AFAP1L1: variants seen among roughly 807,000 people sequenced by gnomAD.
AFAP1L1 encodes the protein actin filament-associated protein 1-like 1.
In AFAP1L1, 77 loss-of-function variants were observed where a neutral mutation model predicts 99.8. The ratio of observed to expected loss-of-function variants is 0.77; its 90% CI spans 0.64 to 0.93. The LOEUF (loss-of-function observed/expected upper bound fraction) is 0.93. Among genes scored for constraint, AFAP1L1 ranks in the 40% least tolerant of loss-of-function variants. The pLI is 0.00. For synonymous variants in AFAP1L1, 373 were observed against 395.3 expected (o/e 0.94, Z 0.67); for missense variants, 893 against 996.8 (o/e 0.90, Z 1.40).
chr5:149,273,853 T>C (rs1755221891), intron 1 of AFAP1L1, among the ~76,000 whole-genome samples: 2 of 150,202 alleles, frequency 1.3e-5, no homozygotes, highest in South Asian at 4.2e-4. Flanking sequence ...ACCTGTCTGA[T>C]CTCCAGTACA....
intron 1 of AFAP1L1, among the ~76,000 whole-genome samples, chr5:149,278,952 T>C (rs891511863): frequency 3.9e-5 from 6 of 152,212 alleles, no homozygotes; most frequent in Non-Finnish European, 5.9e-5. Flanking sequence ...AGCCACGATT[T>C]GGCCTCCAGT....
At chr5:149,314,519 T>C (rs1756740132) in intron 9 of AFAP1L1, among the ~76,000 whole-genome samples, 1 of 152,210 alleles carries the variant, frequency 6.6e-6, no homozygotes, top group Non-Finnish European at 1.5e-5. Flanking sequence ...CATCGAGTTC[T>C]TTCCAAAGTG....
At chr5:149,302,311 C>T (rs1756248555) in intron 4 of AFAP1L1, 107 bp from the exon 5 acceptor site, 2 of 701,854 alleles carry the variant, frequency 2.8e-6, no homozygotes, top group East Asian at 5.7e-5. Context: ...TATGGCTTCA[C>T]ATTCACACTG....
At chr5:149,317,648 C>T (rs956496738) in intron 11 of AFAP1L1, 81 bp from the exon 12 acceptor site, 1 of 1,490,016 alleles carries the variant, frequency 6.7e-7, no homozygotes. Flanking sequence ...GCCTTCTTTC[C>T]AGCAGACACA....
At chr5:149,287,145 G>A (rs140658737) in intron 1 of AFAP1L1, among the ~76,000 whole-genome samples, 36 of 152,262 alleles carry the variant, frequency 2.4e-4, no homozygotes, top group African/African-American at 7.5e-4. Context: ...GAATGAACAC[G>A]ATGACAAGCA....
At position 149,282,652 on chromosome 5, in the gene AFAP1L1, G is replaced by A. The variant is rs530509465; in HGVS notation, c.16+10668G>A. The stretch of plus-strand genomic sequence containing the variant: ...TCTAGGGCTACTTTCTCACTATAAG[G>A]ACAGAGTTGGGTAGTTGAAACAGAG... On this transcript the variant is annotated intron_variant, in intron 1 of 18. Coordinates refer to ENST00000296721, the MANE Select transcript of AFAP1L1 (RefSeq NM_152406.4). Among the ~76,000 whole-genome samples the A allele has an allele frequency of 3.3e-5, 5 of 152,298 alleles. No homozygotes were observed. In the South Asian group the frequency reaches 8.3e-4, roughly 25 times the overall value.
At chr5:149,335,203 T>A (rs1188454309) in intron 17 of AFAP1L1, among the ~76,000 whole-genome samples, 1 of 152,202 alleles carries the variant, frequency 6.6e-6, no homozygotes, top group Non-Finnish European at 1.5e-5. Context: ...AAGTTCCTCA[T>A]GCAGCCAGGC....
At chr5:149,285,632 T>C (rs529908214) in intron 1 of AFAP1L1, among the ~76,000 whole-genome samples, 5 of 152,284 alleles carry the variant, frequency 3.3e-5, no homozygotes, top group African/African-American at 1.2e-4. Context: ...CCACCTGGGC[T>C]CCATCCCTCT....
rs906091833 is a variant in AFAP1L1 at position 149,288,504 on chromosome 5, G to A, written c.17-11005G>A. ...ATCAGGCATCCCAGATTACTCCCTG[G>A]GACTACTCTGCTTCCCCACGCCATT... On this transcript the variant is annotated intron_variant, in intron 1 of 18. Coordinates refer to ENST00000296721, the MANE Select transcript of AFAP1L1 (RefSeq NM_152406.4). 1.4e-4 allele frequency among the ~76,000 whole-genome samples: 21 copies of A among 152,282 alleles called. No homozygotes were observed. In the East Asian group the frequency reaches 4.1e-3, roughly 29 times the overall value.
chr5:149,297,448 A>C (rs1756053091), intron 1 of AFAP1L1, among the ~76,000 whole-genome samples: 1 of 152,174 alleles, frequency 6.6e-6, no homozygotes, highest in African/African-American at 2.4e-5. Context: ...TCTGAAAAAA[A>C]AGGCATCCCA....
intron 18 of AFAP1L1, among the ~76,000 whole-genome samples, chr5:149,336,033 C>T (rs1044961882): frequency 1.3e-5 from 2 of 152,140 alleles, no homozygotes; most frequent in African/African-American, 4.8e-5. Flanking sequence ...GGGACTTGCC[C>T]AGGGCTATGC....
At chr5:149,299,134 G>C (rs1376652607) in intron 1 of AFAP1L1, among the ~76,000 whole-genome samples, 2 of 152,170 alleles carry the variant, frequency 1.3e-5, no homozygotes, top group Non-Finnish European at 2.9e-5. Flanking sequence ...GCTGAGCTTC[G>C]AGCTGCAGTG....
intron 1 of AFAP1L1, among the ~76,000 whole-genome samples, chr5:149,296,734 T>G (rs1214333603): frequency 2.0e-5 from 3 of 152,210 alleles, no homozygotes; most frequent in African/African-American, 7.2e-5. Context: ...AGTGTATGTA[T>G]TAGTCTGTTT....
intron 15 of AFAP1L1, among the ~76,000 whole-genome samples, chr5:149,323,740 T>G (rs961747528): frequency 1.3e-5 from 2 of 152,224 alleles, no homozygotes; most frequent in Non-Finnish European, 2.9e-5. Flanking sequence ...CTTTCCCCTC[T>G]CTGGGCCTGA....
chr5:149,301,052 T>A (rs1212633837), intron 3 of AFAP1L1, 81 bp from the exon 4 acceptor site: 4 of 1,302,648 alleles, frequency 3.1e-6, no homozygotes, highest in Non-Finnish European at 4.4e-6. Context: ...TCAGGCCTCC[T>A]GACCCCAAAT....
At chr5:149,280,673 A>G (rs938908482) in intron 1 of AFAP1L1, among the ~76,000 whole-genome samples, 4 of 152,232 alleles carry the variant, frequency 2.6e-5, no homozygotes, top group Non-Finnish European at 4.4e-5. Context: ...AAAGCATGAA[A>G]TGTCTCATTT....
intron 1 of AFAP1L1, among the ~76,000 whole-genome samples, chr5:149,284,431 C>T (rs1021033711): frequency 7.9e-5 from 12 of 152,198 alleles, no homozygotes; most frequent in Non-Finnish European, 1.6e-4. Flanking sequence ...GATGAGGGCT[C>T]ATTGGATTCA....
chr5:149,307,682 C>A, intron 7 of AFAP1L1, 69 bp downstream of exon 7: 1 of 1,493,186 alleles, frequency 6.7e-7, no homozygotes, highest in Non-Finnish European at 9.2e-7. Flanking sequence ...TCTCTACATA[C>A]ATGTGGATAT....
intron 8 of AFAP1L1, 76 bp downstream of exon 8, chr5:149,310,211 C>T (rs917353974): frequency 1.3e-5 from 19 of 1,463,686 alleles, no homozygotes; most frequent in Non-Finnish European, 1.6e-5. Flanking sequence ...GTAGAGCTGG[C>T]TCCTGTCCCT....
Sources: gnomAD v4.1 joint callset for allele counts (sites outside exome capture counted in the v4.1 genomes callset) on GRCh38, gnomAD v4.1.1 for gene constraint, MANE v1.5 for transcripts, NCBI Gene and HGNC (gene_info 2026-07-23, HGNC 2026-07-21) for gene names.